Variants in IGF1R observed in about 807,000 individuals in gnomAD.
The protein encoded by IGF1R is insulin-like growth factor 1 receptor.
Under a neutral mutation model 144.6 loss-of-function variants are expected in IGF1R, and 44 were observed. The ratio of observed to expected loss-of-function variants is 0.30; its 90% confidence interval spans 0.24 to 0.39. IGF1R has a LOEUF of 0.39. Ranked by LOEUF, IGF1R falls within the 10% of genes least tolerant of loss-of-function variation. The pLI, the probability that IGF1R is intolerant of heterozygous loss-of-function variation, is 1.00. For synonymous variants in IGF1R, 795 were observed against 722.8 expected (o/e 1.10, Z -1.60); for missense variants, 1,355 against 1,833.7 (o/e 0.74, Z 4.77).
At chr15:98,690,954 T>C (rs1356350405) in intron 1 of IGF1R, among the ~76,000 whole-genome samples, 2 of 152,236 alleles carry the variant, frequency 1.3e-5, no homozygotes, top group Non-Finnish European at 2.9e-5. Flanking sequence ...ACTCACTGTT[T>C]CTTTAAATAA....
At chr15:98,877,902 A>C (rs905625895) in intron 2 of IGF1R, among the ~76,000 whole-genome samples, 3 of 152,254 alleles carry the variant, frequency 2.0e-5, no homozygotes, top group Non-Finnish European at 4.4e-5. Context: ...GGCTGTCTTC[A>C]GTTTAGTCGT....
At chr15:98,672,551 C>T (rs2052921023) in intron 1 of IGF1R, among the ~76,000 whole-genome samples, 2 of 122,756 alleles carry the variant, frequency 1.6e-5, no homozygotes, top group African/African-American at 6.5e-5. Flanking sequence ...GCCTGAGTGA[C>T]AGAGCAAGAC....
chr15:98,805,767 C>A (rs547286868), intron 2 of IGF1R, among the ~76,000 whole-genome samples: 1 of 152,156 alleles, frequency 6.6e-6, no homozygotes, highest in African/African-American at 2.4e-5. Flanking sequence ...CTTTTGTAAA[C>A]GCACATAAAG....
At chr15:98,694,548 G>T (rs1333832517) in intron 1 of IGF1R, among the ~76,000 whole-genome samples, 2 of 151,946 alleles carry the variant, frequency 1.3e-5, no homozygotes, top group Non-Finnish European at 2.9e-5. Context: ...TGGGGGGGAT[G>T]CAGGTGCCAG....
rs148629388 is a variant in IGF1R, at chr15:98,888,863, C to G, written c.641-2462C>G. Among the ~76,000 whole-genome samples the G allele has an allele frequency of 9.1e-4, 138 of 152,304 alleles. 1 individual carries two copies. In the East Asian group the frequency reaches 0.01, roughly 11 times the overall value. On this transcript the variant is annotated intron_variant, in intron 2 of 20. Coordinates refer to ENST00000650285, the MANE Select transcript of IGF1R (RefSeq NM_000875.5). The stretch of plus-strand genomic sequence containing the variant: ...GCAGTCCAGGGTTAGCCTAGCGGCC[C>G]CACTCTCATAAGGGACTAAGTTCCT...
intron 2 of IGF1R, among the ~76,000 whole-genome samples, chr15:98,867,806 C>G (rs2012535582): frequency 6.6e-6 from 1 of 152,162 alleles, no homozygotes; most frequent in Non-Finnish European, 1.5e-5. Flanking sequence ...TAATTCTGTG[C>G]TTTATCAACT....
intron 1 of IGF1R, among the ~76,000 whole-genome samples, chr15:98,706,827 G>A (rs142616893): frequency 6.8e-6 from 1 of 147,380 alleles, no homozygotes; most frequent in Non-Finnish European, 1.5e-5. Context: ...ATTTTTACTG[G>A]TTTTTTTTTT....
intron 1 of IGF1R, among the ~76,000 whole-genome samples, chr15:98,649,935 A>G (rs2141155979): frequency 6.6e-6 from 1 of 152,238 alleles, no homozygotes; most frequent in East Asian, 1.9e-4. Flanking sequence ...CCGTCCTGAC[A>G]GCCCAGCCGT....
chr15:98,718,694 G>T (rs1438123401), intron 2 of IGF1R, among the ~76,000 whole-genome samples: 2 of 152,244 alleles, frequency 1.3e-5, no homozygotes, highest in African/African-American at 4.8e-5. Context: ...TGTTTTAGCA[G>T]CTGCTGAGAC....
intron 2 of IGF1R, among the ~76,000 whole-genome samples, chr15:98,856,277 G>A (rs1372844400): frequency 1.3e-5 from 2 of 152,224 alleles, no homozygotes; most frequent in South Asian, 4.1e-4. Flanking sequence ...GATTAAAGCA[G>A]GAATTGTCCA....
At chr15:98,687,758 T>C (rs2053366129) in intron 1 of IGF1R, among the ~76,000 whole-genome samples, 1 of 152,222 alleles carries the variant, frequency 6.6e-6, no homozygotes, top group Admixed American at 6.5e-5. Flanking sequence ...CATTGTGTAA[T>C]TAATGGTTAA....
chr15:98,956,826 G>A (rs45562338), intron 20 of IGF1R, among the ~76,000 whole-genome samples: 2,890 of 152,346 alleles, frequency 0.019, 44 homozygotes, highest in Middle Eastern at 0.034. Flanking sequence ...GTTTTGTACC[G>A]TGGTGGTTCT....
intron 1 of IGF1R, among the ~76,000 whole-genome samples, chr15:98,692,328 A>G (rs996701248): frequency 6.6e-6 from 1 of 152,056 alleles, no homozygotes; most frequent in African/African-American, 2.4e-5. Context: ...ACAGTGTGAG[A>G]CCCTGGCTCC....
intron 2 of IGF1R, among the ~76,000 whole-genome samples, chr15:98,874,385 A>T (rs1405871213): frequency 6.6e-6 from 1 of 152,198 alleles, no homozygotes; most frequent in Non-Finnish European, 1.5e-5. Flanking sequence ...AACGTTTTCA[A>T]TAGGCAGTTT....
intron 15 of IGF1R, among the ~76,000 whole-genome samples, chr15:98,932,242 C>T (rs1444849673): frequency 1.3e-5 from 2 of 152,178 alleles, no homozygotes; most frequent in Admixed American, 1.3e-4. Context: ...ACAGTGTCAC[C>T]TTATTTGAAC....
chr15:98,685,150 G>A (rs889087403), intron 1 of IGF1R, among the ~76,000 whole-genome samples: 3 of 151,862 alleles, frequency 2.0e-5, no homozygotes, highest in Non-Finnish European at 2.9e-5. Flanking sequence ...TCACTATGTT[G>A]CCCAGGCTGC....
intron 1 of IGF1R, among the ~76,000 whole-genome samples, chr15:98,694,103 A>C (rs772386401): frequency 6.6e-6 from 1 of 152,132 alleles, no homozygotes; most frequent in East Asian, 1.9e-4. Context: ...ATTGATCCCT[A>C]TGCACTTAAT....
intron 1 of IGF1R, among the ~76,000 whole-genome samples, chr15:98,689,819 G>A (rs2141229474): frequency 6.6e-6 from 1 of 152,236 alleles, no homozygotes; most frequent in Admixed American, 6.5e-5. Context: ...GTTTCAGCCA[G>A]CGGTGTGAGT....
Position 98,777,841 on chromosome 15 carries a change from C to T in IGF1R, c.640+69734C>T, listed in dbSNP as rs182232520. ...TGCATGACTTTTCAGAGAAGTGGCA[C>T]ACGTTTACTGTAAGGGTCCCAAATG... On this transcript the variant is annotated intron_variant, in intron 2 of 20. Transcript: ENST00000650285. Among the ~76,000 whole-genome samples, 25 of 152,306 alleles carry T rather than the reference C, an allele frequency of 1.6e-4. No individual in the cohort carries two copies. The East Asian group carries it at 4.8e-3, about 29-fold the overall frequency.
Sources: gnomAD v4.1 joint callset for allele counts (sites outside exome capture counted in the v4.1 genomes callset) on GRCh38, gnomAD v4.1.1 for gene constraint, MANE v1.5 for transcripts, NCBI Gene and HGNC (gene_info 2026-07-23, HGNC 2026-07-21) for gene names.